The following HKDC1 variants were observed in gnomAD, a reference collection of about 807,000 sequenced individuals.
HKDC1 encodes the protein hexokinase domain containing 1, also known as hexokinase HKDC1.
Under a neutral mutation model 96.6 loss-of-function variants are expected in HKDC1, and 66 were observed. That is an observed-to-expected ratio of 0.68 (90% confidence interval 0.56 to 0.84). The LOEUF (loss-of-function observed/expected upper bound fraction) is 0.84, where lower values mean the gene tolerates loss of function less well. Ranked by LOEUF, HKDC1 falls within the 40% of genes least tolerant of loss-of-function variation. HKDC1 has a pLI of 0.00. For missense variants in HKDC1, 1,211 were observed against 1,208.1 expected (o/e 1.00, Z -0.04); for synonymous variants, 466 against 473.1 (o/e 0.98, Z 0.20).
chr10:69,265,644 C>G lies in HKDC1; in HGVS notation c.2432C>G (p.Thr811Arg), dbSNP rs556646884. The G allele has an allele frequency of 2.5e-6, 4 of 1,613,994 alleles. No individual in the cohort carries two copies. The highest frequency in any genetic ancestry group is 3.4e-6 in the Non-Finnish European group (4 of 1,179,974). ...RILQQLGLDS[T>R]CEDSIVVKEV... ...CTGCAGCAGCTGGGCCTGGACAGCA[C>G]GTGTGAGGACAGCATCGTGGTGAAG... The change falls in exon 17 of 18, where the codon ACG (threonine) becomes AGG (arginine). Residue 811 changes from threonine (T) to arginine (R), a missense_variant. Coordinates refer to ENST00000354624, the MANE Select transcript of HKDC1 (RefSeq NM_025130.4).
intron 12 of HKDC1, among the ~76,000 whole-genome samples, chr10:69,254,499 G>A (rs79169762): frequency 0.032 from 4,890 of 152,026 alleles, 282 homozygotes; most frequent in African/African-American, 0.11. Context: ...CTCATTGAGC[G>A]CTGATTCCCT....
Position 69,258,956 on chromosome 10 carries a change from A to T in HKDC1, c.2213A>T (p.Gln738Leu), listed in dbSNP as rs144539995. 6.4e-7 allele frequency: 1 copy of T among 1,566,868 alleles called. No homozygotes were observed. The highest frequency in any genetic ancestry group is 1.9e-5 in the Admixed American group (1 of 52,512). ...GAGGGGTCCTTGAATCCTGGCAAGC[A>T]GAGGTGAAGAGGGTGGATGTGTGCA... The part of the protein sequence containing the change: ...VDEGSLNPGK[Q>L]RYEKMTSGMY... The change falls in exon 15 of 18, where the codon CAG becomes CTG. Residue 738 changes from glutamine to leucine, a missense_variant. By Grantham distance (113) the Gln-to-Leu change is moderately radical. Transcript: ENST00000354624.
At chr10:69,265,442 T>C in intron 16 of HKDC1, 143 bp from the exon 17 acceptor site, 1 of 702,480 alleles carries the variant, frequency 1.4e-6, no homozygotes, top group Non-Finnish European at 2.4e-6. Flanking sequence ...TTCTAAGGCA[T>C]TCTGCTCCAG....
chr10:69,254,652 T>G (rs575159895), intron 12 of HKDC1, among the ~76,000 whole-genome samples: 1 of 152,342 alleles, frequency 6.6e-6, no homozygotes, highest in Non-Finnish European at 1.5e-5. Context: ...TGTTTTGTGG[T>G]TTTATTTTCG....
chr10:69,247,543 G>A lies in HKDC1; in HGVS notation c.1215G>A (p.Arg405=), dbSNP rs1843561025. ...TCCGGGAGAACAAGAAGGTGGAACGGCTCCGGACCACAGTGGGCATGGACG... is the reference window on the plus strand; with the variant it reads ...TCCGGGAGAACAAGAAGGTGGAACGACTCCGGACCACAGTGGGCATGGACG... ...TRLRENKKVE[R]LRTTVGMDGT... The change falls in exon 9 of 18, where the codon CGG becomes CGA. Residue 405 remains arginine, a synonymous_variant. Transcript: ENST00000354624. 1 of 1,614,036 alleles carries A rather than the reference G, an allele frequency of 6.2e-7. No individual in the cohort carries two copies. The highest frequency in any genetic ancestry group is 1.7e-5 in the Admixed American group (1 of 60,002).
intron 10 of HKDC1, chr10:69,249,050 A>G (rs1057117412): frequency 1.0e-4 from 23 of 221,564 alleles, no homozygotes; most frequent in African/African-American, 4.6e-4. Context: ...TTTGTTTTAG[A>G]TGCCTGAGAT....
intron 12 of HKDC1, among the ~76,000 whole-genome samples, chr10:69,256,689 C>T (rs1043154188): frequency 8.0e-5 from 12 of 150,246 alleles, no homozygotes; most frequent in East Asian, 2.0e-4. Context: ...GCCTGGGAGA[C>T]GAGTGAAATT....
chr10:69,255,683 G>A (rs1209765549), intron 12 of HKDC1, among the ~76,000 whole-genome samples: 1 of 152,104 alleles, frequency 6.6e-6, no homozygotes, highest in Non-Finnish European at 1.5e-5. Flanking sequence ...TTGGGAGGCC[G>A]AGGAGGGTGG....
At chr10:69,251,087 CTTTTTTTTTTTTT>C (rs869084452) in intron 12 of HKDC1, among the ~76,000 whole-genome samples, 1 of 92,690 alleles carries the variant, frequency 1.1e-5, no homozygotes, top group Admixed American at 1.3e-4. Context: ...AAATACATTT[CTTTTTTTTTTTTT>C]TTTTTTTTTT....
Position 69,265,757 on chromosome 10 carries a change from G to A in HKDC1, c.2545G>A (p.Gly849Arg). 1.2e-6 allele frequency: 2 copies of A among 1,613,472 alleles called. No individual in the cohort carries two copies. The highest frequency in any genetic ancestry group is 1.7e-6 in the Non-Finnish European group (2 of 1,179,810). ...AGTGGAAAAAAGGAGAGAAGACCAG[G>A]GGCTAGAGCACCTGAGGATCACTGT... ...AIVEKRREDQ[G>R]LEHLRITVGV... Residue 849 changes from glycine (G) to arginine (R), a missense_variant, in exon 17 of 18, where the codon GGG (glycine) becomes AGG (arginine). Gly to Arg is a moderately radical substitution (Grantham distance 125). Coordinates refer to ENST00000354624, the MANE Select transcript of HKDC1 (RefSeq NM_025130.4).
chr10:69,229,188 G>T (rs973276397), intron 2 of HKDC1, among the ~76,000 whole-genome samples: 1 of 152,194 alleles, frequency 6.6e-6, no homozygotes. Context: ...TGGGGCTCTC[G>T]CAGGAGCAGG....
At position 69,239,079 on chromosome 10, in the gene HKDC1, G is replaced by A. The variant is rs774349922; in HGVS notation, c.533G>A (p.Arg178Gln). 2.0e-5 allele frequency: 32 copies of A among 1,613,760 alleles called. No homozygotes were observed. The highest frequency in any genetic ancestry group is 1.6e-4 in the Middle Eastern group (1 of 6,082). ...TCGTGGACAAAAAAGTTTAAGGCAC[G>A]AGGAGTTCAGGACACGGATGTGGTG... ...LLSWTKKFKARGVQDTDVVSR... is the reference protein window; with the variant it reads ...LLSWTKKFKAQGVQDTDVVSR... Residue 178 changes from arginine to glutamine, a missense_variant, in exon 5 of 18, where the codon CGA (arginine) becomes CAA (glutamine). By Grantham distance (43) the Arg-to-Gln change is conservative. Transcript: ENST00000354624.
rs375906723 is a variant in HKDC1, at chr10:69,247,588, C to A, written c.1260C>A (p.His420Gln). The change falls in exon 9 of 18, where the codon CAC (histidine) becomes CAA (glutamine). Residue 420 changes from histidine (H) to glutamine (Q), a missense_variant. Coordinates refer to ENST00000354624, the MANE Select transcript of HKDC1 (RefSeq NM_025130.4). ...TGGACGGCACCCTCTACAAGATACA[C>A]CCTCAGTGAGTGCTGCCTGCCATCC... ...VGMDGTLYKIHPQYPKRLHKV... is the reference protein window; with the variant it reads ...VGMDGTLYKIQPQYPKRLHKV... 31 of 1,613,044 alleles carry A rather than the reference C, an allele frequency of 1.9e-5. No homozygotes were observed. In the African/African-American group the frequency reaches 3.7e-4, roughly 19 times the overall value.
At chr10:69,239,914 T>G (rs987633790) in intron 5 of HKDC1, among the ~76,000 whole-genome samples, 1 of 152,090 alleles carries the variant, frequency 6.6e-6, no homozygotes, top group Admixed American at 6.6e-5. Context: ...GCCACATGCC[T>G]GGCTCTCATT....
At chr10:69,257,174 C>T in intron 13 of HKDC1, 43 bp downstream of exon 13, 2 of 1,553,270 alleles carry the variant, frequency 1.3e-6, no homozygotes, top group Non-Finnish European at 1.8e-6. Context: ...TTGCTGCCTT[C>T]CCCAGGCCCC....
chr10:69,252,955 C>T (rs879642565), intron 12 of HKDC1, among the ~76,000 whole-genome samples: 3 of 149,812 alleles, frequency 2.0e-5, no homozygotes, highest in Non-Finnish European at 4.4e-5. Context: ...GACAATATAG[C>T]AAGACCCCAT....
chr10:69,254,434 A>G (rs1843690328), intron 12 of HKDC1, among the ~76,000 whole-genome samples: 1 of 152,206 alleles, frequency 6.6e-6, no homozygotes, highest in Non-Finnish European at 1.5e-5. Context: ...ATTTTTGTGC[A>G]GCCATCACCA....
At chr10:69,253,734 C>T (rs145300909) in intron 12 of HKDC1, among the ~76,000 whole-genome samples, 35 of 152,240 alleles carry the variant, frequency 2.3e-4, no homozygotes, top group African/African-American at 8.2e-4. Context: ...AAGAGGAATC[C>T]AGTGCTGGTA....
Position 69,257,031 on chromosome 10 carries a change from T to A in HKDC1, c.1837-5T>A. ...CTCAAATGAATTTCCCCTCCTTTCT[T>A]TCAGGGAACACTCATAGGGTGGACC... On this transcript the variant is annotated splice_polypyrimidine_tract_variant and splice_region_variant and intron_variant, in intron 12 of 17. Coordinates refer to ENST00000354624, the MANE Select transcript of HKDC1 (RefSeq NM_025130.4). The A allele has an allele frequency of 1.9e-6, 3 of 1,610,236 alleles. No homozygotes were observed. The highest frequency in any genetic ancestry group is 2.6e-6 in the Non-Finnish European group (3 of 1,176,434).
Sources: allele counts gnomAD v4.1 joint callset (sites outside exome capture counted in the v4.1 genomes callset), GRCh38; gene constraint gnomAD v4.1.1; transcripts MANE v1.5; gene names NCBI Gene and HGNC (gene_info 2026-07-23, HGNC 2026-07-21).